The following SCAF4 variants were observed in gnomAD, a reference collection of about 807,000 sequenced individuals.
SCAF4 encodes the protein SR-related CTD associated factor 4.
Under a neutral mutation model 129.8 loss-of-function variants are expected in SCAF4, and 25 were observed. The ratio of observed to expected loss-of-function variants is 0.19; its 90% CI spans 0.14 to 0.27. The LOEUF (loss-of-function observed/expected upper bound fraction) is 0.27. Among genes scored for constraint, SCAF4 ranks in the 10% least tolerant of loss-of-function variants. The probability of loss-of-function intolerance (pLI) is 1.00; values close to 1 mark genes in which losing one functional copy is unlikely to be tolerated. For missense variants in SCAF4, 1,246 were observed against 1,457.1 expected, an observed-to-expected ratio of 0.86 and a Z score of 2.36; for synonymous variants, 551 against 497.7, an observed-to-expected ratio of 1.11 and a Z score of -1.43.
At position 31,705,439 on chromosome 21, in the gene SCAF4, TCTA is replaced by T; in HGVS notation, c.140_142del (p.Val47del). 7.7e-7 allele frequency: 1 copy of T among 1,295,330 alleles called. No homozygotes were observed. Among genetic ancestry groups the T allele is most frequent in the Non-Finnish European group, 1.1e-6 (1 of 924,918 alleles). 80.2% of individuals were successfully genotyped at this position (1,295,330 alleles called of 1,614,324 possible). A position where few individuals can be genotyped will look rare whatever the true frequency, so the allele number is the denominator to read the frequency against. On this transcript the variant is annotated inframe_deletion, in exon 3 of 20. Coordinates refer to ENST00000286835, the MANE Select transcript of SCAF4 (RefSeq NM_020706.2). The stretch of plus-strand genomic sequence containing the variant: ...GATAGTTACCTTTTTGATGAACTTT[TCTA>T]CTATTTGAACTACATGCTTATAAAG...
chr21:31,702,615 G>GA (rs1392283905), intron 4 of SCAF4, among the ~76,000 whole-genome samples: 2 of 151,868 alleles, frequency 1.3e-5, no homozygotes, highest in African/African-American at 4.8e-5. Context: ...ACAATAAAAA[G>GA]AAATTTATTA....
intron 19 of SCAF4, among the ~76,000 whole-genome samples, chr21:31,675,269 C>T (rs913176281): frequency 6.6e-6 from 1 of 152,108 alleles, no homozygotes; most frequent in African/African-American, 2.4e-5. Flanking sequence ...TCTAGTGGTG[C>T]AGAAAACCAA....
At chr21:31,723,798 T>C (rs2051137767) in intron 1 of SCAF4, among the ~76,000 whole-genome samples, 1 of 152,150 alleles carries the variant, frequency 6.6e-6, no homozygotes, top group Non-Finnish European at 1.5e-5. Flanking sequence ...TCCGGTCTCT[T>C]CCAACTGGGA....
At chr21:31,730,125 C>G (rs1198476485) in intron 1 of SCAF4, among the ~76,000 whole-genome samples, 2 of 152,136 alleles carry the variant, frequency 1.3e-5, no homozygotes, top group African/African-American at 2.4e-5. Flanking sequence ...CAATTATTTG[C>G]GAGGCACCTG....
intron 16 of SCAF4, among the ~76,000 whole-genome samples, chr21:31,686,181 C>T (rs930122175): frequency 5.4e-5 from 7 of 130,228 alleles, no homozygotes; most frequent in Admixed American, 3.8e-4. Flanking sequence ...CCAGCCTGGG[C>T]GACAGAGCAA....
chr21:31,725,543 AT>A (rs1005108175), intron 1 of SCAF4, among the ~76,000 whole-genome samples: 4 of 152,084 alleles, frequency 2.6e-5, no homozygotes, highest in East Asian at 1.9e-4. Flanking sequence ...AAGTACTCGC[AT>A]TTTTTTTCTG....
intron 15 of SCAF4, among the ~76,000 whole-genome samples, chr21:31,689,477 T>C (rs1344916040): frequency 6.6e-6 from 1 of 150,770 alleles, no homozygotes; most frequent in East Asian, 2.0e-4. Context: ...TTTTTTTTTT[T>C]TTTTGTATTT....
chr21:31,704,245 T>C (rs1040151798), intron 3 of SCAF4, among the ~76,000 whole-genome samples: 1 of 152,138 alleles, frequency 6.6e-6, no homozygotes, highest in Non-Finnish European at 1.5e-5. Context: ...CTTATTATGA[T>C]AGTCTCTACA....
At chr21:31,678,339 T>C (rs1039987986) in intron 19 of SCAF4, among the ~76,000 whole-genome samples, 1 of 152,198 alleles carries the variant, frequency 6.6e-6, no homozygotes, top group East Asian at 1.9e-4. Flanking sequence ...TTAAGTAATA[T>C]GGCAATTCTG....
At chr21:31,712,215 T>C (rs2050814891) in intron 1 of SCAF4, among the ~76,000 whole-genome samples, 1 of 110,750 alleles carries the variant, frequency 9.0e-6, no homozygotes, top group African/African-American at 3.3e-5. Context: ...CTCCCATTTG[T>C]TTGTTGCTTT....
At chr21:31,695,399 C>A (rs1019122284) in intron 9 of SCAF4, among the ~76,000 whole-genome samples, 4 of 151,796 alleles carry the variant, frequency 2.6e-5, no homozygotes, top group African/African-American at 9.7e-5. Context: ...AAAAAATAAC[C>A]AAGGGGGAAT....
At chr21:31,726,971 GGAGT>G (rs1288528977) in intron 1 of SCAF4, among the ~76,000 whole-genome samples, 1 of 152,070 alleles carries the variant, frequency 6.6e-6, no homozygotes, top group Non-Finnish European at 1.5e-5. Flanking sequence ...GGTTGGGGTT[GGAGT>G]GAGGATGAAA....
At chr21:31,719,048 C>T (rs968028796) in intron 1 of SCAF4, among the ~76,000 whole-genome samples, 17 of 152,190 alleles carry the variant, frequency 1.1e-4, no homozygotes, top group African/African-American at 3.6e-4. Flanking sequence ...CCCAGCACTT[C>T]GGGAGGCCGA....
intron 1 of SCAF4, among the ~76,000 whole-genome samples, chr21:31,709,184 G>A (rs1277150654): frequency 6.6e-6 from 1 of 152,126 alleles, no homozygotes; most frequent in Non-Finnish European, 1.5e-5. Flanking sequence ...CCCCATCACT[G>A]TGGGGGTGGG....
intron 7 of SCAF4, 37 bp downstream of exon 7, chr21:31,700,958 T>C (rs927922034): frequency 1.9e-6 from 3 of 1,595,056 alleles, no homozygotes; most frequent in Non-Finnish European, 1.7e-6. Flanking sequence ...AGTTGAGTGA[T>C]ATAAATGGTG....
At chr21:31,729,854 A>C (rs925735781) in intron 1 of SCAF4, among the ~76,000 whole-genome samples, 1 of 152,220 alleles carries the variant, frequency 6.6e-6, no homozygotes, top group Non-Finnish European at 1.5e-5. Context: ...TTGGTTTTTC[A>C]AAGTAAAAAT....
chr21:31,682,598 A>C (rs1228443895), intron 19 of SCAF4, among the ~76,000 whole-genome samples: 3 of 152,180 alleles, frequency 2.0e-5, no homozygotes, highest in Non-Finnish European at 4.4e-5. Flanking sequence ...TTAGCCCATT[A>C]AATCATCGTG....
chr21:31,682,115 G>A (rs1480371428), intron 19 of SCAF4, among the ~76,000 whole-genome samples: 1 of 152,148 alleles, frequency 6.6e-6, no homozygotes, highest in Non-Finnish European at 1.5e-5. Flanking sequence ...AGGCAACTAT[G>A]TCAAGATAAA....
rs1027784706 is a variant in SCAF4, at chr21:31,732,113, C to A, written c.-421G>T. On this transcript the variant is annotated 5_prime_UTR_variant, in exon 1 of 20. Transcript: ENST00000286835. ...CGGCCCGAGTCCACGCCGCGCGGGG[C>A]ACCCTGGGACGGCTCAGGCCTCCCG... is the stretch of plus-strand genomic sequence containing the variant. 1.5e-5 allele frequency: 6 copies of A among 399,152 alleles called. No individual in the cohort carries two copies. The highest frequency in any genetic ancestry group is 2.2e-4 in the South Asian group (2 of 9,166). The allele number at this position is 399,152 out of a possible 1,614,324, so 24.7% of individuals were successfully genotyped here. A position where few individuals can be genotyped will look rare whatever the true frequency, so the allele number is the denominator to read the frequency against.
Sources: allele counts gnomAD v4.1 joint callset (sites outside exome capture counted in the v4.1 genomes callset), GRCh38; gene constraint gnomAD v4.1.1; transcripts MANE v1.5; gene names NCBI Gene and HGNC (gene_info 2026-07-23, HGNC 2026-07-21).